The following AREL1 variants were observed in gnomAD, a reference collection of about 807,000 sequenced individuals.
AREL1 encodes apoptosis-resistant E3 ubiquitin protein ligase 1.
In AREL1, 62 loss-of-function variants were observed where a neutral mutation model predicts 99.0. The ratio of observed to expected loss-of-function variants is 0.63; its 90% CI spans 0.51 to 0.77. The LOEUF (loss-of-function observed/expected upper bound fraction) is 0.77, where lower values mean the gene tolerates loss of function less well. AREL1 is among the 30% of genes least tolerant of loss of function. The pLI is 0.00. For synonymous variants in AREL1, 380 were observed against 376.5 expected (o/e 1.01, Z -0.11); for missense variants, 879 against 1,027.6 (o/e 0.86, Z 1.98).
In AREL1 at chr14:74,663,411, G is replaced by A. The variant is rs114370888; in HGVS notation, c.*309C>T. The A allele has an allele frequency of 3.4e-3, 1,314 of 381,482 alleles. 18 individuals are homozygous for A. Among genetic ancestry groups the A allele is most frequent in the African/African-American group, 0.023 (1,131 of 48,476 alleles). The allele number at this position is 381,482 out of a possible 1,614,324, so 23.6% of individuals were successfully genotyped here. On this transcript the variant is annotated 3_prime_UTR_variant, in exon 20 of 20. Transcript: ENST00000356357. ...CAGTTTCCCAACAGGGCTGAGCCCC[G>A]TGTGCCATCTCCCTCAGCTACTGAG...
chr14:74,696,012 T>A (rs116037900), intron 1 of AREL1, among the ~76,000 whole-genome samples: 4,462 of 152,278 alleles, frequency 0.029, 144 homozygotes, highest in African/African-American at 0.079. Context: ...GCAAGCCAAA[T>A]CCTAACAGCC....
intron 5 of AREL1, among the ~76,000 whole-genome samples, chr14:74,677,957 C>G (rs1170696928): frequency 6.6e-6 from 1 of 151,604 alleles, no homozygotes; most frequent in Non-Finnish European, 1.5e-5. Context: ...AAAAAACCAA[C>G]AAACAACTAA....
rs901385282 is a variant in AREL1 at position 74,662,247 on chromosome 14, G to A, written c.*1473C>T. 4.3e-6 allele frequency: 1 copy of A among 233,028 alleles called. No homozygotes were observed. Among genetic ancestry groups the A allele is most frequent in the Non-Finnish European group, 8.3e-6 (1 of 120,894 alleles). The allele number at this position is 233,028 out of a possible 1,614,324, so 14.4% of individuals were successfully genotyped here. A position where few individuals can be genotyped will look rare whatever the true frequency, so the allele number is the denominator to read the frequency against. ...GGAGGGCTTGTTCCTCATGATCCCT[G>A]CGAACAGGAGGGCTCAGACATGCTT... On this transcript the variant is annotated 3_prime_UTR_variant, in exon 20 of 20. Transcript: ENST00000356357.
chr14:74,697,007 G>A (rs904477602), intron 1 of AREL1, among the ~76,000 whole-genome samples: 2 of 152,060 alleles, frequency 1.3e-5, no homozygotes, highest in African/African-American at 4.8e-5. Context: ...TTAGCTGGGC[G>A]TGGTAGCATG....
rs188965821 is a variant in AREL1 at position 74,702,764 on chromosome 14, G to C, written c.-334+10169C>G. On this transcript the variant is annotated intron_variant, in intron 1 of 19. Coordinates refer to ENST00000356357, the MANE Select transcript of AREL1 (RefSeq NM_001039479.2). Reference sequence around the variant, plus strand: ...TTTATGCTCTGCTTCCCTTTTAAATGTAAGTTCCAATTTCAGATCATCTCT... The same window carrying C: ...TTTATGCTCTGCTTCCCTTTTAAATCTAAGTTCCAATTTCAGATCATCTCT... 2.1e-3 allele frequency among the ~76,000 whole-genome samples: 326 copies of C among 152,162 alleles called. 2 individuals carry two copies. The highest frequency in any genetic ancestry group is 7.3e-3 in the African/African-American group (302 of 41,528).
rs774331141 is a variant in AREL1 at position 74,664,830 on chromosome 14, AT to A, written c.2193+5del. 6.2e-7 allele frequency: 1 copy of A among 1,612,476 alleles called. No individual in the cohort carries two copies. The highest frequency in any genetic ancestry group is 8.5e-7 in the Non-Finnish European group (1 of 1,179,054). ...AATCCAACTGAAAGAAGTTTGGTCC[AT>A]TTACCTTTTCTCTGAAATGCCATGA... On this transcript the variant is annotated splice_donor_5th_base_variant and intron_variant, in intron 18 of 19. Coordinates refer to ENST00000356357, the MANE Select transcript of AREL1 (RefSeq NM_001039479.2).
At chr14:74,671,347 T>TTTTGGTGG in intron 12 of AREL1, 61 bp downstream of exon 12, 1 of 304,360 alleles carries the variant, frequency 3.3e-6, no homozygotes. Context: ...TTTTTTTTTG[T>TTTTGGTGG]GGAGAAGGTG....
At chr14:74,683,966 C>A (rs1404271206) in intron 4 of AREL1, among the ~76,000 whole-genome samples, 1 of 152,130 alleles carries the variant, frequency 6.6e-6, no homozygotes, top group East Asian at 1.9e-4. Context: ...ACTCTCAAGC[C>A]AAGCTTAATG....
At position 74,663,812 on chromosome 14, in the gene AREL1, G is replaced by C; in HGVS notation, c.2380C>G (p.Leu794Val). ...TAGGAGTCATATGTAGGGAGGCACAGCTGGTTAAAACTGGAAGGGCAAGGG... is the reference window on the plus strand; with the variant it reads ...TAGGAGTCATATGTAGGGAGGCACACCTGGTTAAAACTGGAAGGGCAAGGG... ...LPTAHTCFNQLCLPTYDSYEE... is the reference protein window; with the variant it reads ...LPTAHTCFNQVCLPTYDSYEE... Residue 794 changes from leucine (L) to valine (V), a missense_variant, in exon 20 of 20, where the codon CTG becomes GTG. Transcript: ENST00000356357. The C allele has an allele frequency of 6.2e-7, 1 of 1,614,198 alleles. No homozygotes were observed. Among genetic ancestry groups the C allele is most frequent in the Non-Finnish European group, 8.5e-7 (1 of 1,180,036 alleles).
At chr14:74,704,865 T>C (rs2090147418) in intron 1 of AREL1, among the ~76,000 whole-genome samples, 1 of 152,220 alleles carries the variant, frequency 6.6e-6, no homozygotes, top group South Asian at 2.1e-4. Flanking sequence ...CTGGTTTTTT[T>C]CTAGAGGGTT....
Position 74,662,977 on chromosome 14 carries a change from C to T in AREL1, c.*743G>A. 1 of 221,520 alleles carries T rather than the reference C, an allele frequency of 4.5e-6. No homozygotes were observed. The allele number at this position is 221,520 out of a possible 1,614,324, so 13.7% of individuals were successfully genotyped here. A position where few individuals can be genotyped will look rare whatever the true frequency, so the allele number is the denominator to read the frequency against. On this transcript the variant is annotated 3_prime_UTR_variant, in exon 20 of 20. Transcript: ENST00000356357. ...GCATGCCCCACTCTGGAGGCTACAG[C>T]TCAGCTATCCTTCATATTCTTCAGT...
Position 74,676,726 on chromosome 14 carries a change from T to C in AREL1, c.508A>G (p.Ile170Val), listed in dbSNP as rs1566685625. The stretch of plus-strand genomic sequence containing the variant: ...ACAAGAGTAGAAAAGTGGCACACAA[T>C]TTTGGTCTTAGAAGGAACCACCATT... ...PGMVVPSKTK[I>V]VCHFSTLVLT... The change falls in exon 6 of 20, where the codon ATT becomes GTT. Residue 170 changes from isoleucine to valine, a missense_variant. Transcript: ENST00000356357. The C allele has an allele frequency of 6.2e-7, 1 of 1,610,376 alleles. No individual in the cohort carries two copies. The highest frequency in any genetic ancestry group is 8.5e-7 in the Non-Finnish European group (1 of 1,178,156).
intron 5 of AREL1, chr14:74,678,038 G>A: frequency 2.7e-6 from 1 of 372,360 alleles, no homozygotes; most frequent in South Asian, 2.1e-5. Flanking sequence ...TGATATATAG[G>A]TTTAACACAA....
intron 1 of AREL1, among the ~76,000 whole-genome samples, chr14:74,694,855 G>A (rs1011628686): frequency 1.3e-5 from 2 of 151,924 alleles, no homozygotes; most frequent in Non-Finnish European, 2.9e-5. Flanking sequence ...CAGGCACGGT[G>A]GCGGGTGCCT....
At chr14:74,686,720 T>C (rs1360896514) in intron 2 of AREL1, among the ~76,000 whole-genome samples, 3 of 152,288 alleles carry the variant, frequency 2.0e-5, no homozygotes, top group Non-Finnish European at 4.4e-5. Flanking sequence ...CTGATAACAA[T>C]ATACCCAGTG....
Position 74,672,902 on chromosome 14 carries a change from G to A in AREL1, c.1351C>T (p.Arg451Trp), listed in dbSNP as rs758829441. Residue 451 changes from arginine (R) to tryptophan (W), a missense_variant, in exon 11 of 20, where the codon CGG (arginine) becomes TGG (tryptophan). Arg to Trp is a moderately radical substitution (Grantham distance 101). Coordinates refer to ENST00000356357, the MANE Select transcript of AREL1 (RefSeq NM_001039479.2). ...DKVNFFQREL[R>W]QVHMKRPHSK... ...TGTGGTCTTTTCATATGTACCTGCC[G>A]AAGCTCTCGCTGGAAAAAGTTCACC... The A allele has an allele frequency of 5.9e-5, 96 of 1,614,022 alleles. 1 individual carries two copies. The highest frequency in any genetic ancestry group is 8.9e-5 in the East Asian group (4 of 44,896).
At chr14:74,677,576 G>A (rs1448430339) in intron 5 of AREL1, among the ~76,000 whole-genome samples, 2 of 140,008 alleles carry the variant, frequency 1.4e-5, no homozygotes. Context: ...GCACGATCTC[G>A]GCTCACTGCA....
intron 1 of AREL1, among the ~76,000 whole-genome samples, chr14:74,693,744 C>T (rs187823576): frequency 4.0e-4 from 61 of 152,312 alleles, no homozygotes; most frequent in African/African-American, 1.3e-3. Context: ...AATGACTACT[C>T]TACTGCCTCT....
At chr14:74,686,372 G>T (rs1295068965) in intron 2 of AREL1, among the ~76,000 whole-genome samples, 1 of 152,182 alleles carries the variant, frequency 6.6e-6, no homozygotes, top group Non-Finnish European at 1.5e-5. Flanking sequence ...CTTGTTTCCA[G>T]AATAAGACTT....
Sources: gnomAD v4.1 joint callset for allele counts (sites outside exome capture counted in the v4.1 genomes callset) on GRCh38, gnomAD v4.1.1 for gene constraint, MANE v1.5 for transcripts, NCBI Gene and HGNC (gene_info 2026-07-23, HGNC 2026-07-21) for gene names.